Variants in DDX46 observed in about 807,000 individuals in gnomAD.
DDX46 encodes the protein probable ATP-dependent RNA helicase DDX46.
In DDX46, 30 loss-of-function variants were observed where a neutral mutation model predicts 134.9. The observed-to-expected ratio is 0.22, with a 90% confidence interval of 0.17 to 0.30. The LOEUF is 0.30. Among genes scored for constraint, DDX46 ranks in the 10% least tolerant of loss-of-function variants. DDX46 has a pLI of 1.00. For synonymous variants in DDX46, 415 were observed against 404.1 expected (o/e 1.03, Z -0.32); for missense variants, 622 against 1,248.7 (o/e 0.50, Z 7.56).
At chr5:134,778,906 A>G (rs1298989355) in intron 6 of DDX46, among the ~76,000 whole-genome samples, 1 of 150,844 alleles carries the variant, frequency 6.6e-6, no homozygotes, top group Non-Finnish European at 1.5e-5. Context: ...AATTTAATTT[A>G]TTTTTTTGAG....
intron 10 of DDX46, among the ~76,000 whole-genome samples, chr5:134,784,846 G>T (rs892028269): frequency 6.6e-6 from 1 of 152,186 alleles, no homozygotes; most frequent in Non-Finnish European, 1.5e-5. Flanking sequence ...AGGTTTGTTA[G>T]CCCAGTATCA....
chr5:134,822,062 A>T (rs1024091597), intron 21 of DDX46, among the ~76,000 whole-genome samples: 1 of 151,366 alleles, frequency 6.6e-6, no homozygotes, highest in Admixed American at 6.6e-5. Flanking sequence ...TATTTTTAGT[A>T]GAGATGGAGT....
At chr5:134,814,153 C>T (rs1254518911) in intron 18 of DDX46, among the ~76,000 whole-genome samples, 1 of 151,966 alleles carries the variant, frequency 6.6e-6, no homozygotes, top group African/African-American at 2.4e-5. Context: ...CTATAATTGT[C>T]CTATTTTATT....
At chr5:134,824,651 A>AT (rs1427028304) in intron 21 of DDX46, among the ~76,000 whole-genome samples, 4 of 152,232 alleles carry the variant, frequency 2.6e-5, no homozygotes, top group African/African-American at 9.6e-5. Flanking sequence ...AATTTAAGTG[A>AT]TCTAAATCTT....
chr5:134,813,447 A>G (rs570506049), intron 18 of DDX46, among the ~76,000 whole-genome samples: 86 of 152,310 alleles, frequency 5.6e-4, no homozygotes, highest in African/African-American at 2.0e-3. Context: ...AACATCAGTC[A>G]CTTTGATGTA....
chr5:134,781,231 C>T lies in DDX46; in HGVS notation c.864C>T (p.Asp288=). The T allele has an allele frequency of 6.2e-7, 1 of 1,601,778 alleles. No homozygotes were observed. The highest frequency in any genetic ancestry group is 8.5e-7 in the Non-Finnish European group (1 of 1,176,710). Residue 288 remains aspartate, a synonymous_variant, in exon 7 of 23, where the codon GAC becomes GAT. Coordinates refer to ENST00000452510, the MANE Select transcript of DDX46 (RefSeq NM_001300860.2). ...AGAAAGGTGAGCTGATGGAGAATGACCAGGATGCCATGGAGGTGATTTTTC... is the reference window on the plus strand; with the variant it reads ...AGAAAGGTGAGCTGATGGAGAATGATCAGGATGCCATGGAGGTGATTTTTC... ...DKKKGELMEN[D]QDAMEYSSEE... is the part of the protein sequence containing the mutation.
chr5:134,824,903 A>G (rs577600100), intron 21 of DDX46, among the ~76,000 whole-genome samples: 1 of 152,334 alleles, frequency 6.6e-6, no homozygotes, highest in African/African-American at 2.4e-5. Flanking sequence ...GGAAGGACTT[A>G]CATGCCTAGT....
In DDX46 at chr5:134,767,141, A is replaced by G. The variant is rs149746208; in HGVS notation, c.350+81A>G. On this transcript the variant is annotated intron_variant, in intron 3 of 22. Coordinates refer to ENST00000452510, the MANE Select transcript of DDX46 (RefSeq NM_001300860.2). Reference sequence around the variant, plus strand: ...CTGCGCCTTTTTTTTTTTTCCCTGTAAGTTTGTATTTATAGAGAATTAACT... The same window carrying G: ...CTGCGCCTTTTTTTTTTTTCCCTGTGAGTTTGTATTTATAGAGAATTAACT... 780 of 1,481,014 alleles carry G rather than the reference A, an allele frequency of 5.3e-4. 3 individuals are homozygous for G. The African/African-American group carries it at 0.01, about 20-fold the overall frequency. 91.7% of individuals were successfully genotyped at this position (1,481,014 alleles called of 1,614,324 possible). A position where few individuals can be genotyped will look rare whatever the true frequency, so the allele number is the denominator to read the frequency against.
chr5:134,789,488 A>G (rs532823205), intron 12 of DDX46, among the ~76,000 whole-genome samples: 1 of 152,212 alleles, frequency 6.6e-6, no homozygotes, highest in Admixed American at 6.5e-5. Context: ...TTCTAATTCT[A>G]ATTGTACATG....
At chr5:134,768,561 C>G (rs1019761172) in intron 3 of DDX46, among the ~76,000 whole-genome samples, 2 of 150,786 alleles carry the variant, frequency 1.3e-5, no homozygotes, top group African/African-American at 5.0e-5. Flanking sequence ...CAGAGAGTAT[C>G]TTCTTCTTCA....
chr5:134,825,057 T>G (rs960657901), intron 21 of DDX46, among the ~76,000 whole-genome samples: 2 of 152,170 alleles, frequency 1.3e-5, no homozygotes, highest in African/African-American at 4.8e-5. Context: ...ATGTAACCTA[T>G]TACAAGAAGT....
At chr5:134,825,607 C>T (rs994234953) in intron 21 of DDX46, among the ~76,000 whole-genome samples, 1 of 152,064 alleles carries the variant, frequency 6.6e-6, no homozygotes, top group Non-Finnish European at 1.5e-5. Context: ...AAACCCAGTC[C>T]TCCTTTTATT....
chr5:134,768,508 C>A (rs1753653885), intron 3 of DDX46, among the ~76,000 whole-genome samples: 1 of 151,364 alleles, frequency 6.6e-6, no homozygotes, highest in African/African-American at 2.4e-5. Flanking sequence ...CAAGCAAAGA[C>A]CAAATTAGAT....
At chr5:134,828,602 T>G (rs1403637371) in intron 22 of DDX46, 57 bp from the exon 23 acceptor site, 2 of 1,255,764 alleles carry the variant, frequency 1.6e-6, no homozygotes, top group East Asian at 2.7e-5. Context: ...TCGTTTTTTT[T>G]TTTTGTTTTT....
In DDX46 at chr5:134,777,741, T is replaced by C; in HGVS notation, c.765+16T>C. On this transcript the variant is annotated intron_variant, in intron 6 of 22. Coordinates refer to ENST00000452510, the MANE Select transcript of DDX46 (RefSeq NM_001300860.2). ...AAATGAAAAGGTATGGAATTTCTTA[T>C]TTTTAAAGATTTCCGTTTCCTCTTG... is the stretch of plus-strand genomic sequence containing the variant. 6.3e-7 allele frequency: 1 copy of C among 1,588,160 alleles called. No individual in the cohort carries two copies. Among genetic ancestry groups the C allele is most frequent in the East Asian group, 2.2e-5 (1 of 44,608 alleles).
At chr5:134,769,523 GGTTTGTTTTTTTT>G (rs1451831063) in intron 3 of DDX46, among the ~76,000 whole-genome samples, 2 of 149,644 alleles carry the variant, frequency 1.3e-5, no homozygotes, top group African/African-American at 4.9e-5. Flanking sequence ...GTAGAGACGG[GGTTTGTTTTTTTT>G]GTTTGTTTTT....
Position 134,773,713 on chromosome 5 carries a change from G to A in DDX46, c.465G>A (p.Lys155=), listed in dbSNP as rs1295346395. 3 of 1,608,074 alleles carry A rather than the reference G, an allele frequency of 1.9e-6. No individual in the cohort carries two copies. Among genetic ancestry groups the A allele is most frequent in the African/African-American group, 2.7e-5 (2 of 74,604 alleles). Residue 155 remains lysine, a synonymous_variant, in exon 5 of 23, where the codon AAG becomes AAA. Transcript: ENST00000452510. ...EKDAGNFDQN[K]LEEEMRKRKE... ...CCCCCAAGAACTTTGACCAGAATAA[G>A]CTGGAAGAAGAAATGAGAAAGCGAA... is the stretch of plus-strand genomic sequence containing the variant.
At chr5:134,774,891 C>T (rs1239370003) in intron 5 of DDX46, among the ~76,000 whole-genome samples, 1 of 151,904 alleles carries the variant, frequency 6.6e-6, no homozygotes, top group African/African-American at 2.4e-5. Context: ...TGCTCTGTCA[C>T]CCAGGCGGCA....
At chr5:134,793,862 A>G (rs540395747) in intron 13 of DDX46, among the ~76,000 whole-genome samples, 1 of 152,294 alleles carries the variant, frequency 6.6e-6, no homozygotes, top group East Asian at 1.9e-4. Context: ...GTGTAAACTT[A>G]AGGTCATTTC....
Sources: gnomAD v4.1 joint callset for allele counts (sites outside exome capture counted in the v4.1 genomes callset) on GRCh38, gnomAD v4.1.1 for gene constraint, MANE v1.5 for transcripts, NCBI Gene and HGNC (gene_info 2026-07-23, HGNC 2026-07-21) for gene names.